The following TMEM17 variants were observed in gnomAD, a reference collection of about 807,000 sequenced individuals.
TMEM17 encodes transmembrane protein 17.
In TMEM17, 15 loss-of-function variants were observed where a neutral mutation model predicts 19.1. The ratio of observed to expected loss-of-function variants is 0.78; its 90% CI spans 0.52 to 1.21. The LOEUF (loss-of-function observed/expected upper bound fraction) is 1.21. Among genes scored for constraint, TMEM17 ranks in the 50% most tolerant of loss-of-function variants. TMEM17 has a pLI of 0.00. For synonymous variants in TMEM17, 103 were observed against 86.9 expected, an observed-to-expected ratio of 1.19 and a Z score of -1.03; for missense variants, 245 against 242.3, an observed-to-expected ratio of 1.01 and a Z score of -0.07.
the TMEM17 span, among the ~76,000 whole-genome samples, chr2:62,457,177 G>T: frequency 6.6e-6 from 1 of 152,242 alleles, no homozygotes; most frequent in Non-Finnish European, 1.5e-5. The surrounding 1 kb of genome is among the most constrained non-coding windows in gnomAD (Gnocchi z 4.2). Context: ...GCCGGGGATC[G>T]GCGACCCCGG....
rs1558722674 is a variant in TMEM17 at position 62,501,351 on chromosome 2, G to C, written c.455C>G (p.Ala152Gly). The C allele has an allele frequency of 1.2e-6, 2 of 1,614,082 alleles. No homozygotes were observed. The highest frequency in any genetic ancestry group is 2.7e-5 in the African/African-American group (2 of 74,940). Reference sequence around the variant, plus strand: ...AAGAAATGCTGCAACAACTTGGAAAGCAAGGAAGAGAGTGAAGATGATATG... The same window carrying C: ...AAGAAATGCTGCAACAACTTGGAAACCAAGGAAGAGAGTGAAGATGATATG... ...AIHIIFTLFL[A>G]FQVVAAFLTL... Residue 152 changes from alanine to glycine, a missense_variant, in exon 4 of 4, where the codon GCT becomes GGT. Ala to Gly is a moderately conservative substitution (Grantham distance 60). Transcript: ENST00000335390.
the TMEM17 span, among the ~76,000 whole-genome samples, chr2:62,485,397 C>G: frequency 1.3e-5 from 2 of 152,200 alleles, no homozygotes; most frequent in African/African-American, 4.8e-5. Flanking sequence ...TATTATCTTA[C>G]TCTAGTCTTT....
the TMEM17 span, among the ~76,000 whole-genome samples, chr2:62,486,296 G>C: frequency 1.4e-5 from 2 of 141,256 alleles, no homozygotes; most frequent in African/African-American, 2.5e-5. Flanking sequence ...ACAAAAATCA[G>C]TTTGGCTCTG....
At chr2:62,495,486 G>A (rs1679755440), downstream of TMEM17, among the ~76,000 whole-genome samples, 1 of 152,048 alleles carries the variant, frequency 6.6e-6, no homozygotes, top group Admixed American at 6.6e-5. Context: ...TTTGCTTTTT[G>A]ATTTAAAACC....
At chr2:62,455,999 T>C in the TMEM17 span, among the ~76,000 whole-genome samples, 8 of 152,368 alleles carry the variant, frequency 5.3e-5, no homozygotes, top group East Asian at 1.3e-3. Flanking sequence ...ACCATTCATA[T>C]ATCTTTGATA....
Position 62,500,974 on chromosome 2 carries a change from C to T in TMEM17, c.*235G>A, listed in dbSNP as rs375636686. 1 of 380,418 alleles carries T rather than the reference C, an allele frequency of 2.6e-6. No individual in the cohort carries two copies. The highest frequency in any genetic ancestry group is 4.6e-6 in the Non-Finnish European group (1 of 216,650). 23.6% of individuals were successfully genotyped at this position (380,418 alleles called of 1,614,324 possible). On this transcript the variant is annotated 3_prime_UTR_variant, in exon 4 of 4. Transcript: ENST00000335390. ...TCTACACTCCTGAAAAAGACAACAA[C>T]ATCAAAAAAAATTAAGAAATTTGGC... is the stretch of plus-strand genomic sequence containing the variant.
the TMEM17 span, among the ~76,000 whole-genome samples, chr2:62,467,965 T>C: frequency 6.6e-6 from 1 of 152,010 alleles, no homozygotes; most frequent in Admixed American, 6.5e-5. Context: ...TCAGGACGTC[T>C]TTCAGAGGAA....
chr2:62,483,511 T>G, the TMEM17 span, among the ~76,000 whole-genome samples: 2 of 152,178 alleles, frequency 1.3e-5, no homozygotes, highest in African/African-American at 4.8e-5. Context: ...AATAGATGAT[T>G]AAGGTGAAGT....
chr2:62,459,919 G>A, the TMEM17 span, among the ~76,000 whole-genome samples: 1 of 152,164 alleles, frequency 6.6e-6, no homozygotes, highest in Non-Finnish European at 1.5e-5. Context: ...CTGCAGGTGG[G>A]CACCACCGTG....
intron 3 of TMEM17, 162 bp downstream of exon 3, chr2:62,502,275 A>T (rs1184170950): frequency 2.0e-6 from 1 of 489,014 alleles, no homozygotes; most frequent in East Asian, 3.2e-5. Context: ...ACCAGGGCTC[A>T]AGAGATTAAG....
the TMEM17 span, chr2:62,491,361 A>T: frequency 6.6e-6 from 1 of 152,202 alleles, no homozygotes; most frequent in East Asian, 1.9e-4. Context: ...AGGAGAGGTG[A>T]ACCAGCCCAG....
chr2:62,498,645 G>A (rs1248018600), downstream of TMEM17, among the ~76,000 whole-genome samples: 2 of 147,380 alleles, frequency 1.4e-5, no homozygotes, highest in African/African-American at 5.0e-5. Context: ...GAACCCGGGA[G>A]GCGGAGCTTG....
At chr2:62,499,946 T>C (rs938201979), downstream of TMEM17, among the ~76,000 whole-genome samples, 1 of 152,258 alleles carries the variant, frequency 6.6e-6, no homozygotes, top group African/African-American at 2.4e-5. Context: ...TTTAGGATCA[T>C]GAGTATAGTC....
chr2:62,485,723 T>G, the TMEM17 span, among the ~76,000 whole-genome samples: 1 of 152,172 alleles, frequency 6.6e-6, no homozygotes, highest in Non-Finnish European at 1.5e-5. Context: ...GAAAACCTAC[T>G]GAAAGTTGAT....
chr2:62,500,613 T>G lies in TMEM17; in HGVS notation c.*596A>C, dbSNP rs1213590978. On this transcript the variant is annotated 3_prime_UTR_variant, in exon 4 of 4. Coordinates refer to ENST00000335390, the MANE Select transcript of TMEM17 (RefSeq NM_198276.3). ...GGTGCCTGCAACCACGCCTAGCTAA[T>G]TTTTTTTTTTTTTGTATTTTTAGTA... The G allele has an allele frequency of 3.0e-5, 2 of 65,868 alleles. No individual in the cohort carries two copies. Among genetic ancestry groups the G allele is most frequent in the Admixed American group, 3.6e-4 (2 of 5,574 alleles). 4.1% of individuals were successfully genotyped at this position (65,868 alleles called of 1,614,324 possible).
rs542150047 is a variant in TMEM17, at chr2:62,501,027, G to A, written c.*182C>T. ...CAGGTGGACAACATCTAGGTTTTAGGGTTAATATACTGTTTCATATACTGT... is the reference window on the plus strand; with the variant it reads ...CAGGTGGACAACATCTAGGTTTTAGAGTTAATATACTGTTTCATATACTGT... On this transcript the variant is annotated 3_prime_UTR_variant, in exon 4 of 4. Transcript: ENST00000335390. 11 of 537,870 alleles carry A rather than the reference G, an allele frequency of 2.0e-5. No individual in the cohort carries two copies. The highest frequency in any genetic ancestry group is 5.1e-4 in the Middle Eastern group (1 of 1,954). 33.3% of individuals were successfully genotyped at this position (537,870 alleles called of 1,614,324 possible).
At chr2:62,481,298 C>A in the TMEM17 span, among the ~76,000 whole-genome samples, 1 of 152,140 alleles carries the variant, frequency 6.6e-6, no homozygotes, top group Non-Finnish European at 1.5e-5. Context: ...TTGTGCCCTG[C>A]AACTTTACTG....
At chr2:62,486,772 GATA>G in the TMEM17 span, among the ~76,000 whole-genome samples, 1 of 152,198 alleles carries the variant, frequency 6.6e-6, no homozygotes, top group African/African-American at 2.4e-5. Flanking sequence ...ATATGGGACA[GATA>G]TGAGCTTCCT....
At chr2:62,475,096 A>G in the TMEM17 span, among the ~76,000 whole-genome samples, 1 of 152,120 alleles carries the variant, frequency 6.6e-6, no homozygotes, top group African/African-American at 2.4e-5. Context: ...AACACTGCCT[A>G]GGGTTTAGGA....
Sources: allele counts gnomAD v4.1 joint callset (sites outside exome capture counted in the v4.1 genomes callset), GRCh38; gene constraint gnomAD v4.1.1; non-coding constraint Gnocchi (gnomAD v3.1); transcripts MANE v1.5; gene names NCBI Gene and HGNC (gene_info 2026-07-23, HGNC 2026-07-21).